Variants in MGAM2 observed in about 807,000 individuals in gnomAD.
MGAM2 encodes probable maltase-glucoamylase 2.
MGAM2 carries 98 observed loss-of-function variants against 96.1 expected under a neutral mutation model. That is an observed-to-expected ratio of 1.02 (90% confidence interval 0.87 to 1.21). MGAM2 has a LOEUF of 1.21. Among genes scored for constraint, MGAM2 ranks in the 50% most tolerant of loss-of-function variants. The probability of loss-of-function intolerance (pLI) is 0.00; values close to 1 mark genes in which losing one functional copy is unlikely to be tolerated. For missense variants in MGAM2, 2,055 were observed against 1,182.4 expected, an observed-to-expected ratio of 1.74 and a Z score of -10.82; for synonymous variants, 749 against 414.8, an observed-to-expected ratio of 1.81 and a Z score of -9.79.
intron 37 of MGAM2, among the ~76,000 whole-genome samples, chr7:142,195,804 G>C (rs1942280314): frequency 6.6e-6 from 1 of 152,078 alleles, no homozygotes; most frequent in Non-Finnish European, 1.5e-5. Context: ...TTTTCATGAT[G>C]TTATGAGACA....
chr7:142,162,709 A>G (rs1795924695), intron 23 of MGAM2, among the ~76,000 whole-genome samples: 1 of 151,590 alleles, frequency 6.6e-6, no homozygotes, highest in Non-Finnish European at 1.5e-5. Context: ...TAAAAAATAT[A>G]TATCTTAAAG....
intron 45 of MGAM2, chr7:142,208,271 G>T (rs904149283): frequency 7.7e-6 from 4 of 521,094 alleles, no homozygotes; most frequent in African/African-American, 7.6e-5. Flanking sequence ...TTGCTGTCTC[G>T]CACAGAATAA....
chr7:142,221,369 T>C lies in MGAM2; in HGVS notation c.6858T>C (p.Asn2286=). The change falls in exon 48 of 48, where the codon AAT becomes AAC. Residue 2286 remains asparagine (N), a synonymous_variant. Transcript: ENST00000477922. ...CTACTACTACAAGTAATAATACTAA[T>C]CCTGGCATGACTACTTATTACCAGA... The part of the protein sequence containing the change: ...TDATTTSNNT[N]PGMTTYYQTS... 1 of 614,426 alleles carries C rather than the reference T, an allele frequency of 1.6e-6. No homozygotes were observed. Among genetic ancestry groups the C allele is most frequent in the South Asian group, 1.9e-5 (1 of 52,076 alleles). 38.1% of individuals were successfully genotyped at this position (614,426 alleles called of 1,614,324 possible). A position where few individuals can be genotyped will look rare whatever the true frequency, so the allele number is the denominator to read the frequency against.
At chr7:142,142,246 C>T (rs1795252140) in intron 12 of MGAM2, among the ~76,000 whole-genome samples, 2 of 151,866 alleles carry the variant, frequency 1.3e-5, no homozygotes, top group Non-Finnish European at 1.5e-5. Flanking sequence ...TTTACTGTTT[C>T]GTTAGAAGCT....
intron 45 of MGAM2, among the ~76,000 whole-genome samples, chr7:142,207,542 C>T (rs1249867217): frequency 6.6e-6 from 1 of 152,104 alleles, no homozygotes; most frequent in Non-Finnish European, 1.5e-5. Context: ...TCTCCCACCT[C>T]AGCCTCCCGA....
intron 38 of MGAM2, 35 bp downstream of exon 38, chr7:142,196,322 A>G (rs1469454821): frequency 2.9e-6 from 2 of 700,042 alleles, no homozygotes; most frequent in East Asian, 2.7e-5. Context: ...CTGTGCTGGC[A>G]GGGAGGGCAC....
chr7:142,118,440 T>C (rs924094026), intron 2 of MGAM2, among the ~76,000 whole-genome samples: 1 of 152,228 alleles, frequency 6.6e-6, no homozygotes, highest in Admixed American at 6.5e-5. Flanking sequence ...TTGGGGGCTT[T>C]GTTTTGAATC....
chr7:142,219,376 G>A (rs1797854979), intron 47 of MGAM2, among the ~76,000 whole-genome samples: 1 of 152,064 alleles, frequency 6.6e-6, no homozygotes, highest in African/African-American at 2.4e-5. Context: ...ATTTTACCTG[G>A]ACTATTGAGT....
chr7:142,198,537 G>A (rs1797122580), intron 43 of MGAM2, 78 bp from the exon 44 acceptor site: 2 of 644,734 alleles, frequency 3.1e-6, no homozygotes, highest in Non-Finnish European at 2.8e-6. Flanking sequence ...CCCAGGAAAG[G>A]AAGGACTTGT....
At chr7:142,113,053 C>T (rs1485657899) in intron 1 of MGAM2, among the ~76,000 whole-genome samples, 1 of 151,894 alleles carries the variant, frequency 6.6e-6, no homozygotes, top group Non-Finnish European at 1.5e-5. Context: ...TACACATTAA[C>T]CTAAAGGCTA....
Position 142,167,294 on chromosome 7 carries a change from C to G in MGAM2, c.2835C>G (p.Thr945=), listed in dbSNP as rs2129088619. The G allele has an allele frequency of 1.4e-6, 1 of 700,642 alleles. No individual in the cohort carries two copies. The highest frequency in any genetic ancestry group is 2.7e-5 in the East Asian group (1 of 37,240). 43.4% of individuals were successfully genotyped at this position (700,642 alleles called of 1,614,324 possible). Reference sequence around the variant, plus strand: ...ACACATCTACTCCTGGAGTGCCCACCTGTTACTATGACACCATCCCTAATT... The same window carrying G: ...ACACATCTACTCCTGGAGTGCCCACGTGTTACTATGACACCATCCCTAATT... The part of the protein sequence containing the change: ...WEDTSTPGVP[T]CYYDTIPNYV... Residue 945 remains threonine, a synonymous_variant, in exon 26 of 48, where the codon ACC becomes ACG. Transcript: ENST00000477922.
At chr7:142,155,932 G>A (rs4506122) in intron 17 of MGAM2, among the ~76,000 whole-genome samples, 62,692 of 152,046 alleles carry the variant, frequency 0.41, 14,545 homozygotes, top group East Asian at 0.64. Flanking sequence ...GATCACCTGA[G>A]GTCCGGAGTT....
chr7:142,181,583 T>C (rs938402987), intron 32 of MGAM2, among the ~76,000 whole-genome samples: 2 of 152,202 alleles, frequency 1.3e-5, no homozygotes, highest in African/African-American at 4.8e-5. Flanking sequence ...ACTGATATCA[T>C]GCCTATGTTT....
intron 37 of MGAM2, among the ~76,000 whole-genome samples, chr7:142,193,723 G>T (rs1035801562): frequency 6.6e-6 from 1 of 152,068 alleles, no homozygotes; most frequent in Non-Finnish European, 1.5e-5. Context: ...TCCTTTGCAG[G>T]TTTCCCTTCC....
intron 10 of MGAM2, among the ~76,000 whole-genome samples, chr7:142,138,995 A>G (rs1795139077): frequency 6.6e-6 from 1 of 152,208 alleles, no homozygotes; most frequent in South Asian, 2.1e-4. Flanking sequence ...GTAGTAAGGA[A>G]TGCCTTATAC....
rs113858061 is a variant in MGAM2 at position 142,123,940 on chromosome 7, G to A, written c.186+3559G>A. On this transcript the variant is annotated intron_variant, in intron 3 of 47. Transcript: ENST00000477922. ...GAATATAGTACTGATTTTTGTATAT[G>A]GTATCAGGTAAGAGTCCAGAAACTT... Among the ~76,000 whole-genome samples, 1,170 of 146,892 alleles carry A rather than the reference G, an allele frequency of 8.0e-3. 13 individuals are homozygous for A. The highest frequency in any genetic ancestry group is 0.042 in the South Asian group (192 of 4,542).
intron 2 of MGAM2, among the ~76,000 whole-genome samples, chr7:142,118,734 G>GAAAAA (rs1476595716): frequency 1.3e-5 from 2 of 152,062 alleles, no homozygotes; most frequent in Non-Finnish European, 2.9e-5. Flanking sequence ...AGAGACTAAA[G>GAAAAA]AAAAAACAGT....
At chr7:142,194,795 A>G (rs1389806682) in intron 37 of MGAM2, among the ~76,000 whole-genome samples, 5 of 152,006 alleles carry the variant, frequency 3.3e-5, no homozygotes, top group African/African-American at 1.2e-4. Flanking sequence ...GGATTAGTTT[A>G]CACAACAGTA....
intron 32 of MGAM2, among the ~76,000 whole-genome samples, chr7:142,179,839 T>C (rs945406748): frequency 1.3e-5 from 2 of 152,156 alleles, no homozygotes; most frequent in Non-Finnish European, 2.9e-5. Flanking sequence ...TTATTGTCTC[T>C]GCCAGATATT....
Sources: allele counts gnomAD v4.1 joint callset (sites outside exome capture counted in the v4.1 genomes callset), GRCh38; gene constraint gnomAD v4.1.1; transcripts MANE v1.5; gene names NCBI Gene and HGNC (gene_info 2026-07-23, HGNC 2026-07-21).